The following SLC24A2 variants were observed in gnomAD, a reference collection of about 807,000 sequenced individuals.
SLC24A2 encodes sodium/potassium/calcium exchanger 2.
SLC24A2 carries 36 observed loss-of-function variants against 62.0 expected under a neutral mutation model. That is an observed-to-expected ratio of 0.58 (90% CI 0.44 to 0.77). The LOEUF (loss-of-function observed/expected upper bound fraction) is 0.77, where lower values mean the gene tolerates loss of function less well. Ranked by LOEUF, SLC24A2 falls within the 30% of genes least tolerant of loss-of-function variation. The pLI, the probability that SLC24A2 is intolerant of heterozygous loss-of-function variation, is 0.00. For synonymous variants in SLC24A2, 358 were observed against 294.0 expected, an observed-to-expected ratio of 1.22 and a Z score of -2.23; for missense variants, 846 against 817.9, an observed-to-expected ratio of 1.03 and a Z score of -0.42.
the SLC24A2 span, among the ~76,000 whole-genome samples, chr9:20,228,159 T>C: frequency 6.6e-6 from 1 of 152,116 alleles, no homozygotes; most frequent in Non-Finnish European, 1.5e-5. Flanking sequence ...AAATATTATT[T>C]TTATAGAGCT....
intron 2 of SLC24A2, among the ~76,000 whole-genome samples, chr9:19,701,920 A>G (rs1820366850): frequency 6.6e-6 from 1 of 152,044 alleles, no homozygotes; most frequent in Non-Finnish European, 1.5e-5. Flanking sequence ...CAAATCATCT[A>G]ATACTCCAAG....
In SLC24A2 at chr9:19,563,523, C is replaced by T. The variant is rs926637605; in HGVS notation, c.1347+9828G>A. Among the ~76,000 whole-genome samples the T allele has an allele frequency of 7.2e-5, 11 of 152,150 alleles. 1 individual carries two copies. Among genetic ancestry groups the T allele is most frequent in the Admixed American group, 6.5e-4 (10 of 15,272 alleles). Reference sequence around the variant, plus strand: ...GAAAGACATCATATGAATTCAGGTACCGTATGCTTGGATAATCTTAGAAAT... The same window carrying T: ...GAAAGACATCATATGAATTCAGGTATCGTATGCTTGGATAATCTTAGAAAT... On this transcript the variant is annotated intron_variant, in intron 7 of 10. Transcript: ENST00000341998.
intron 2 of SLC24A2, among the ~76,000 whole-genome samples, chr9:19,762,937 C>A (rs755553055): frequency 8.6e-5 from 13 of 151,704 alleles, no homozygotes; most frequent in African/African-American, 2.9e-4. Flanking sequence ...GATATCGATT[C>A]TTCCTATCCA....
At chr9:20,286,887 AC>A in the SLC24A2 span, among the ~76,000 whole-genome samples, 1 of 152,120 alleles carries the variant, frequency 6.6e-6, no homozygotes, top group Non-Finnish European at 1.5e-5. Context: ...ACTAACTCTT[AC>A]CCCAACACTC....
intron 2 of SLC24A2, among the ~76,000 whole-genome samples, chr9:19,737,465 T>C (rs967821945): frequency 2.0e-5 from 3 of 152,188 alleles, no homozygotes; most frequent in Non-Finnish European, 4.4e-5. Context: ...CACTATTACA[T>C]ATTTATTTTA....
At chr9:19,705,961 G>A (rs1273847356) in intron 2 of SLC24A2, among the ~76,000 whole-genome samples, 1 of 151,244 alleles carries the variant, frequency 6.6e-6, no homozygotes, top group Non-Finnish European at 1.5e-5. Context: ...GCTTGGTGCA[G>A]AGCTGAGTTC....
chr9:19,722,117 G>C (rs1821043539), intron 2 of SLC24A2, among the ~76,000 whole-genome samples: 1 of 152,094 alleles, frequency 6.6e-6, no homozygotes, highest in Non-Finnish European at 1.5e-5. Context: ...CCATGGTCAT[G>C]CTCAAATCCA....
the SLC24A2 span, among the ~76,000 whole-genome samples, chr9:20,010,745 G>T: frequency 6.7e-6 from 1 of 149,520 alleles, no homozygotes; most frequent in Non-Finnish European, 1.5e-5. Flanking sequence ...ATCTCCTAAC[G>T]CTATCCCTCC....
the SLC24A2 span, among the ~76,000 whole-genome samples, chr9:20,279,467 G>A: frequency 6.6e-6 from 1 of 152,180 alleles, no homozygotes; most frequent in Non-Finnish European, 1.5e-5. Flanking sequence ...GGAGGCGGAG[G>A]ATGCAGAGAG....
the SLC24A2 span, among the ~76,000 whole-genome samples, chr9:19,839,127 A>G: frequency 8.8e-4 from 134 of 152,216 alleles, 1 homozygote; most frequent in Admixed American, 5.2e-4. Flanking sequence ...GCAGCCAAAA[A>G]ACACATGAAA....
chr9:20,055,076 T>G, the SLC24A2 span, among the ~76,000 whole-genome samples: 4 of 152,256 alleles, frequency 2.6e-5, no homozygotes, highest in African/African-American at 9.6e-5. Flanking sequence ...AAGGAGATAT[T>G]TGAGGGGCAG....
the SLC24A2 span, chr9:19,927,043 A>T: frequency 6.6e-6 from 1 of 152,236 alleles, no homozygotes; most frequent in Non-Finnish European, 1.5e-5. Flanking sequence ...GATTTAACGA[A>T]GAGAAAGGGA....
At chr9:20,259,480 C>T in the SLC24A2 span, among the ~76,000 whole-genome samples, 2 of 152,122 alleles carry the variant, frequency 1.3e-5, no homozygotes, top group Non-Finnish European at 2.9e-5. Flanking sequence ...TTATCACACT[C>T]GCCCTACCCT....
chr9:19,896,718 G>T, the SLC24A2 span, among the ~76,000 whole-genome samples: 1 of 152,136 alleles, frequency 6.6e-6, no homozygotes, highest in Admixed American at 6.5e-5. Context: ...CAGCATTATG[G>T]TGAAGACTTT....
At chr9:20,143,662 T>G in the SLC24A2 span, among the ~76,000 whole-genome samples, 1 of 152,216 alleles carries the variant, frequency 6.6e-6, no homozygotes, top group Non-Finnish European at 1.5e-5. Flanking sequence ...TAGGTTTATG[T>G]CAGAGAGCTA....
At chr9:19,964,869 G>T in the SLC24A2 span, among the ~76,000 whole-genome samples, 1 of 152,292 alleles carries the variant, frequency 6.6e-6, no homozygotes, top group African/African-American at 2.4e-5. Context: ...AAGGGCTTCA[G>T]CTTCTGAAGG....
At chr9:20,069,160 T>C in the SLC24A2 span, among the ~76,000 whole-genome samples, 15 of 152,340 alleles carry the variant, frequency 9.8e-5, 1 homozygote, top group Admixed American at 4.6e-4. Context: ...AAATGTTTGA[T>C]TGAAAACATT....
At chr9:19,769,665 C>A (rs113141531) in intron 2 of SLC24A2, among the ~76,000 whole-genome samples, 2 of 152,206 alleles carry the variant, frequency 1.3e-5, no homozygotes, top group Admixed American at 6.5e-5. Flanking sequence ...ATCAGCAGGG[C>A]TGCATCCTAC....
At chr9:19,974,127 C>A in the SLC24A2 span, among the ~76,000 whole-genome samples, 1 of 152,040 alleles carries the variant, frequency 6.6e-6, no homozygotes, top group Non-Finnish European at 1.5e-5. Context: ...ATGTATTTCT[C>A]CCTTATTCTA....
Sources: allele counts gnomAD v4.1 joint callset (sites outside exome capture counted in the v4.1 genomes callset), GRCh38; gene constraint gnomAD v4.1.1; transcripts MANE v1.5; gene names NCBI Gene and HGNC (gene_info 2026-07-23, HGNC 2026-07-21).